Variants in A1CF observed in about 807,000 individuals in gnomAD.
A1CF encodes APOBEC-1 stimulating protein.
A neutral mutation model predicts 68.9 loss-of-function variants in A1CF; 48 were observed. That is an observed-to-expected ratio of 0.70 (90% CI 0.55 to 0.89). The LOEUF (loss-of-function observed/expected upper bound fraction) is 0.89. Among genes scored for constraint, A1CF ranks in the 40% least tolerant of loss-of-function variants. A1CF has a pLI of 0.00. For missense variants in A1CF, 653 were observed against 718.9 expected, an observed-to-expected ratio of 0.91 and a Z score of 1.05; for synonymous variants, 272 against 260.4, an observed-to-expected ratio of 1.04 and a Z score of -0.43.
chr10:50,850,547 G>C, intron 3 of A1CF: 1 of 1,329,502 alleles, frequency 7.5e-7, no homozygotes, highest in South Asian at 1.2e-5. Flanking sequence ...TTACAAAACA[G>C]AAAACTTATT....
At chr10:50,832,387 A>G (rs1839289170) in intron 6 of A1CF, among the ~76,000 whole-genome samples, 2 of 152,186 alleles carry the variant, frequency 1.3e-5, no homozygotes, top group African/African-American at 4.8e-5. Flanking sequence ...CAATTCTGAT[A>G]TAAGTGGGCT....
At chr10:50,818,978 A>G (rs11815391) in intron 8 of A1CF, among the ~76,000 whole-genome samples, 39,400 of 151,982 alleles carry the variant, frequency 0.26, 5,727 homozygotes, top group African/African-American at 0.4. Context: ...CTAGATTGTG[A>G]TTGCATTTAG....
intron 10 of A1CF, 85 bp from the exon 11 acceptor site, chr10:50,811,261 T>G: frequency 7.2e-7 from 1 of 1,392,930 alleles, no homozygotes; most frequent in Non-Finnish European, 9.7e-7. Flanking sequence ...ACTCTAATTT[T>G]CAGAGTTCAA....
intron 7 of A1CF, among the ~76,000 whole-genome samples, chr10:50,821,757 G>A (rs571126573): frequency 1.1e-3 from 164 of 152,066 alleles, no homozygotes; most frequent in African/African-American, 3.9e-3. Flanking sequence ...GGCTGGTCTC[G>A]AACTCCCGAC....
intron 10 of A1CF, among the ~76,000 whole-genome samples, chr10:50,812,452 T>C (rs1838161185): frequency 6.6e-6 from 1 of 152,236 alleles, no homozygotes; most frequent in African/African-American, 2.4e-5. Flanking sequence ...CACATACTAA[T>C]AAAAGACATG....
intron 3 of A1CF, among the ~76,000 whole-genome samples, chr10:50,858,585 A>T (rs984509375): frequency 6.6e-6 from 1 of 152,156 alleles, no homozygotes; most frequent in Non-Finnish European, 1.5e-5. Context: ...AAATATTAAC[A>T]GATTGCTGTT....
intron 3 of A1CF, among the ~76,000 whole-genome samples, chr10:50,858,091 C>T (rs1197076121): frequency 6.6e-6 from 1 of 152,056 alleles, no homozygotes; most frequent in Admixed American, 6.6e-5. Context: ...AAGAGGAAAA[C>T]ATAGTGCAGA....
At chr10:50,848,301 T>C (rs1423307498) in intron 3 of A1CF, among the ~76,000 whole-genome samples, 1 of 152,200 alleles carries the variant, frequency 6.6e-6, no homozygotes, top group African/African-American at 2.4e-5. Flanking sequence ...ATACATAACT[T>C]GTCTAATATC....
intron 1 of A1CF, among the ~76,000 whole-genome samples, chr10:50,864,709 C>T (rs1326016053): frequency 1.3e-5 from 2 of 152,150 alleles, no homozygotes; most frequent in Non-Finnish European, 2.9e-5. Context: ...ACCTCCGCAT[C>T]CCAGGTTCAA....
At chr10:50,879,540 A>T (rs1841676949) in intron 1 of A1CF, among the ~76,000 whole-genome samples, 1 of 152,152 alleles carries the variant, frequency 6.6e-6, no homozygotes, top group Non-Finnish European at 1.5e-5. Flanking sequence ...GCCTCAGGAA[A>T]CTCACAATCA....
At chr10:50,840,229 TA>T (rs201660141) in intron 5 of A1CF, among the ~76,000 whole-genome samples, 89 of 144,260 alleles carry the variant, frequency 6.2e-4, no homozygotes, top group South Asian at 3.9e-3. Context: ...GGATAAGATG[TA>T]AAAAAAAAAA....
chr10:50,859,865 G>A lies in A1CF; in HGVS notation c.76C>T (p.Arg26Cys). The change falls in exon 3 of 13, where the codon CGC becomes TGC. Residue 26 changes from arginine to cysteine, a missense_variant. By Grantham distance (180) the Arg-to-Cys change is radical. Coordinates refer to ENST00000373997, the MANE Select transcript of A1CF (RefSeq NM_014576.4). ...ACCTGGACCAAGCTATATCCTGTGC[G>A]CTGGACCAGTGCGCGGAGGGCTGCT... ...KEAALRALVQ[R>C]TGYSLVQENG... 6 of 1,613,936 alleles carry A rather than the reference G, an allele frequency of 3.7e-6. No homozygotes were observed. Among genetic ancestry groups the A allele is most frequent in the Non-Finnish European group, 5.1e-6 (6 of 1,179,900 alleles).
chr10:50,824,314 T>C (rs970758065), intron 7 of A1CF, among the ~76,000 whole-genome samples: 9 of 152,100 alleles, frequency 5.9e-5, no homozygotes, highest in African/African-American at 2.2e-4. Flanking sequence ...AATCAGGGAC[T>C]AGGAAAGGAA....
chr10:50,843,580 G>A (rs1229080440), intron 4 of A1CF, among the ~76,000 whole-genome samples: 3 of 152,152 alleles, frequency 2.0e-5, no homozygotes, highest in Non-Finnish European at 4.4e-5. Flanking sequence ...TACATGTTGA[G>A]CCTTGTCAAA....
intron 1 of A1CF, among the ~76,000 whole-genome samples, chr10:50,867,328 A>G (rs1306952927): frequency 2.6e-5 from 4 of 152,048 alleles, no homozygotes; most frequent in African/African-American, 9.7e-5. Flanking sequence ...TATGTATAGT[A>G]GAATTTTATT....
At chr10:50,813,567 G>A (rs977213378) in intron 10 of A1CF, among the ~76,000 whole-genome samples, 6 of 152,084 alleles carry the variant, frequency 3.9e-5, no homozygotes, top group East Asian at 1.9e-4. Context: ...GCCTCATTTC[G>A]GGTATGGGTT....
In A1CF at chr10:50,801,845, T is replaced by A. The variant is rs1837611786; in HGVS notation, c.*4884A>T. 6.6e-6 allele frequency: 1 copy of A among 152,184 alleles called. No homozygotes were observed. Among genetic ancestry groups the A allele is most frequent in the Admixed American group, 6.5e-5 (1 of 15,270 alleles). The allele number at this position is 152,184 out of a possible 1,614,324, so 9.4% of individuals were successfully genotyped here. A position where few individuals can be genotyped will look rare whatever the true frequency, so the allele number is the denominator to read the frequency against. On this transcript the variant is annotated 3_prime_UTR_variant, in exon 13 of 13. Coordinates refer to ENST00000373997, the MANE Select transcript of A1CF (RefSeq NM_014576.4). The stretch of plus-strand genomic sequence containing the variant: ...TTTCCCTTTCTAAATTGGCTATGAA[T>A]TTCATTATTAGTGAGAGTACAAGGT...
At chr10:50,862,195 G>T (rs1231231841) in intron 2 of A1CF, among the ~76,000 whole-genome samples, 1 of 151,924 alleles carries the variant, frequency 6.6e-6, no homozygotes, top group Non-Finnish European at 1.5e-5. Flanking sequence ...GTGAAACCCT[G>T]TCTCTATTAA....
In A1CF at chr10:50,803,804, T is replaced by C. The variant is rs1268264436; in HGVS notation, c.*2925A>G. 6.6e-6 allele frequency: 1 copy of C among 152,208 alleles called. No individual in the cohort carries two copies. Among genetic ancestry groups the C allele is most frequent in the Non-Finnish European group, 1.5e-5 (1 of 68,034 alleles). 9.4% of individuals were successfully genotyped at this position (152,208 alleles called of 1,614,324 possible). The stretch of plus-strand genomic sequence containing the variant: ...CTGGTTGGGTGACAAATTTTAATTT[T>C]TTCTGTAAAGAATTAGGAAGCATTC... On this transcript the variant is annotated 3_prime_UTR_variant, in exon 13 of 13. Coordinates refer to ENST00000373997, the MANE Select transcript of A1CF (RefSeq NM_014576.4).
Sources: gnomAD v4.1 joint callset for allele counts (sites outside exome capture counted in the v4.1 genomes callset) on GRCh38, gnomAD v4.1.1 for gene constraint, MANE v1.5 for transcripts, NCBI Gene and HGNC (gene_info 2026-07-23, HGNC 2026-07-21) for gene names.